VWA2: variants seen among roughly 807,000 people sequenced by gnomAD.
The protein encoded by VWA2 is von Willebrand factor A domain-containing protein 2.
In VWA2, 73 loss-of-function variants were observed where a neutral mutation model predicts 70.4. That is an observed-to-expected ratio of 1.04 (90% CI 0.86 to 1.26). The LOEUF (loss-of-function observed/expected upper bound fraction) is 1.26. VWA2 is among the 50% of genes most tolerant of loss of function. The pLI is 0.00. For missense variants in VWA2, 1,011 were observed against 998.5 expected, an observed-to-expected ratio of 1.01 and a Z score of -0.17; for synonymous variants, 407 against 423.3, an observed-to-expected ratio of 0.96 and a Z score of 0.47.
chr10:114,278,916 G>T, intron 8 of VWA2, 65 bp downstream of exon 8: 1 of 1,600,672 alleles, frequency 6.2e-7, no homozygotes. Context: ...GAGCTGCGGG[G>T]AGGATAGTAC....
chr10:114,246,445 G>C, intron 1 of VWA2: 1 of 614,976 alleles, frequency 1.6e-6, no homozygotes, highest in Admixed American at 3.1e-5. Flanking sequence ...AGGTAGCAGT[G>C]AGCCAAGACC....
chr10:114,282,649 C>T, intron 9 of VWA2, 78 bp downstream of exon 9: 2 of 1,298,936 alleles, frequency 1.5e-6, no homozygotes, highest in East Asian at 2.3e-5. Context: ...CTTTTACAAT[C>T]CTGGGACAGA....
chr10:114,283,505 A>G (rs1160887536), intron 9 of VWA2, among the ~76,000 whole-genome samples: 1 of 152,198 alleles, frequency 6.6e-6, no homozygotes, highest in African/African-American at 2.4e-5. Flanking sequence ...AGAATCTGAG[A>G]GTGGAGCTGT....
chr10:114,252,870 A>T (rs928251818), intron 2 of VWA2, among the ~76,000 whole-genome samples: 1 of 151,908 alleles, frequency 6.6e-6, no homozygotes, highest in Non-Finnish European at 1.5e-5. Flanking sequence ...AAGTGCTGGG[A>T]TTACAGGCAT....
intron 2 of VWA2, among the ~76,000 whole-genome samples, chr10:114,251,262 G>A (rs1391884140): frequency 1.3e-5 from 2 of 152,232 alleles, no homozygotes; most frequent in Non-Finnish European, 2.9e-5. Context: ...CACACATGAA[G>A]CAGCTGCCTG....
At chr10:114,250,721 G>C (rs1305818593) in intron 2 of VWA2, among the ~76,000 whole-genome samples, 1 of 152,226 alleles carries the variant, frequency 6.6e-6, no homozygotes, top group African/African-American at 2.4e-5. Flanking sequence ...GCCAGGTGGG[G>C]TGGATGGAAA....
chr10:114,292,031 A>G lies in VWA2; in HGVS notation c.*794A>G, dbSNP rs1358059919. Among the ~76,000 whole-genome samples, 2 of 152,164 alleles carry G rather than the reference A, an allele frequency of 1.3e-5. No homozygotes were observed. Among genetic ancestry groups the G allele is most frequent in the East Asian group, 1.9e-4 (1 of 5,192 alleles). On this transcript the variant is annotated 3_prime_UTR_variant, in exon 14 of 14. Transcript: ENST00000392982. Reference sequence around the variant, plus strand: ...TGTGGCTCATGCCTGTAATCCCAGCACTTTGGAGGCTGAGGCAGGTGGATC... The same window carrying G: ...TGTGGCTCATGCCTGTAATCCCAGCGCTTTGGAGGCTGAGGCAGGTGGATC...
chr10:114,253,951 A>T (rs2037263285), intron 3 of VWA2, among the ~76,000 whole-genome samples: 1 of 151,154 alleles, frequency 6.6e-6, no homozygotes, highest in Non-Finnish European at 1.5e-5. Context: ...CTGAGGCAGG[A>T]GAATTGCTTG....
chr10:114,264,733 T>A (rs2037525383), intron 5 of VWA2, among the ~76,000 whole-genome samples: 1 of 151,864 alleles, frequency 6.6e-6, no homozygotes, highest in African/African-American at 2.4e-5. Context: ...TTTTTTTCTT[T>A]TTTTGAGATG....
intron 5 of VWA2, among the ~76,000 whole-genome samples, 197 bp from the exon 6 acceptor site, chr10:114,272,543 T>A (rs1564725441): frequency 6.6e-6 from 1 of 152,132 alleles, no homozygotes; most frequent in Non-Finnish European, 1.5e-5. Context: ...ACGGGGTGAA[T>A]CTCAAGTGCA....
intron 1 of VWA2, among the ~76,000 whole-genome samples, chr10:114,244,609 A>G (rs2037031618): frequency 6.8e-6 from 1 of 147,918 alleles, no homozygotes; most frequent in South Asian, 2.1e-4. Flanking sequence ...GTAGCTGTTG[A>G]TTTTTATTGT....
At position 114,289,273 on chromosome 10, in the gene VWA2, G is replaced by T; in HGVS notation, c.1906G>T (p.Val636Leu). The change falls in exon 12 of 14, where the codon GTG becomes TTG. Residue 636 changes from valine (V) to leucine (L), a missense_variant. Val to Leu is a conservative substitution (Grantham distance 32, BLOSUM62 1). Transcript: ENST00000392982. Reference sequence around the variant, plus strand: ...TGCCCGGCCTGGTGTCCCCAAAGCTGTGGTGGTGCTCACAGGCGGGAGAGG... The same window carrying T: ...TGCCCGGCCTGGTGTCCCCAAAGCTTTGGTGGTGCTCACAGGCGGGAGAGG... ...RGARPGVPKAVVVLTGGRGAE... is the reference protein window; with the variant it reads ...RGARPGVPKALVVLTGGRGAE... The T allele has an allele frequency of 6.2e-7, 1 of 1,614,202 alleles. No homozygotes were observed. The highest frequency in any genetic ancestry group is 1.6e-4 in the Middle Eastern group (1 of 6,062).
At chr10:114,277,813 A>C in intron 6 of VWA2, 101 bp from the exon 7 acceptor site, 2 of 1,414,780 alleles carry the variant, frequency 1.4e-6, no homozygotes, top group South Asian at 1.6e-5. Context: ...ACCAGACACT[A>C]AATCTGTGCT....
intron 13 of VWA2, among the ~76,000 whole-genome samples, chr10:114,290,644 T>G (rs539735475): frequency 9.2e-5 from 14 of 152,170 alleles, no homozygotes; most frequent in Non-Finnish European, 1.5e-4. Context: ...CAACATGTGG[T>G]GTGGTAGACG....
chr10:114,257,718 C>T (rs370717210), intron 4 of VWA2, among the ~76,000 whole-genome samples: 3 of 152,146 alleles, frequency 2.0e-5, no homozygotes, highest in Non-Finnish European at 2.9e-5. Flanking sequence ...GTAAGAAAAC[C>T]GTGACAAGAA....
rs892826879 is a variant in VWA2, at chr10:114,239,533, G to T, written c.-47G>T. ...CGCGCCCGGGTCTGTGAGTAGAGCCGCCCGGGCACCGAGCGCTGGTCGCCG... is the reference window on the plus strand; with the variant it reads ...CGCGCCCGGGTCTGTGAGTAGAGCCTCCCGGGCACCGAGCGCTGGTCGCCG... On this transcript the variant is annotated 5_prime_UTR_variant, in exon 1 of 14. Coordinates refer to ENST00000392982, the MANE Select transcript of VWA2 (RefSeq NM_001272046.2). 1 of 152,198 alleles carries T rather than the reference G, an allele frequency of 6.6e-6. No individual in the cohort carries two copies. Among genetic ancestry groups the T allele is most frequent in the African/African-American group, 2.4e-5 (1 of 41,444 alleles). The allele number at this position is 152,198 out of a possible 1,614,324, so 9.4% of individuals were successfully genotyped here.
chr10:114,247,904 C>T (rs764538001), intron 1 of VWA2, among the ~76,000 whole-genome samples: 4 of 152,006 alleles, frequency 2.6e-5, no homozygotes, highest in Non-Finnish European at 5.9e-5. Context: ...GGTGTGGCTC[C>T]TGCATGGGTG....
intron 4 of VWA2, among the ~76,000 whole-genome samples, chr10:114,256,318 C>T (rs2037326333): frequency 6.6e-6 from 1 of 152,182 alleles, no homozygotes; most frequent in Non-Finnish European, 1.5e-5. Context: ...TGGAAAAACA[C>T]CAGAACAAGT....
intron 2 of VWA2, among the ~76,000 whole-genome samples, chr10:114,249,809 G>C (rs1246034390): frequency 6.6e-6 from 1 of 152,038 alleles, no homozygotes; most frequent in Non-Finnish European, 1.5e-5. Context: ...ATCATGTCTG[G>C]ACCCCTCTTC....
Sources: allele counts gnomAD v4.1 joint callset (sites outside exome capture counted in the v4.1 genomes callset), GRCh38; gene constraint gnomAD v4.1.1; transcripts MANE v1.5; gene names NCBI Gene and HGNC (gene_info 2026-07-23, HGNC 2026-07-21).